The following HOMER1 variants were observed in gnomAD, a reference collection of about 807,000 sequenced individuals.
HOMER1 encodes the protein homer scaffold protein 1.
Under a neutral mutation model 48.9 loss-of-function variants are expected in HOMER1, and 3 were observed. The observed-to-expected ratio is 0.06, with a 90% CI of 0.03 to 0.16. The LOEUF is 0.16. Among genes scored for constraint, HOMER1 ranks in the 10% least tolerant of loss-of-function variants. The pLI, the probability that HOMER1 is intolerant of heterozygous loss-of-function variation, is 1.00. For synonymous variants in HOMER1, 134 were observed against 146.4 expected, an observed-to-expected ratio of 0.92 and a Z score of 0.61; for missense variants, 247 against 411.4, an observed-to-expected ratio of 0.60 and a Z score of 3.46.
intron 1 of HOMER1, among the ~76,000 whole-genome samples, chr5:79,481,791 T>C (rs1751953913): frequency 1.3e-5 from 2 of 152,148 alleles, no homozygotes; most frequent in Non-Finnish European, 2.9e-5. Context: ...ATCTCCTCAG[T>C]AATGAGCTAA....
At chr5:79,420,709 TGGGGACTGTTCTTAGA>T (rs1289847198) in intron 5 of HOMER1, among the ~76,000 whole-genome samples, 3 of 152,138 alleles carry the variant, frequency 2.0e-5, no homozygotes, top group East Asian at 3.8e-4. Flanking sequence ...GGAGAGAGCT[TGGGGACTGTTCTTAGA>T]GTTTCCAGAG....
chr5:79,413,644 C>T (rs925420083), intron 5 of HOMER1, among the ~76,000 whole-genome samples: 3 of 150,894 alleles, frequency 2.0e-5, no homozygotes, highest in South Asian at 4.2e-4. Context: ...TCTTTCAGTG[C>T]CTGGAACACT....
chr5:79,451,556 CTT>C lies in HOMER1; in HGVS notation c.163-437_163-436del, dbSNP rs71615542. 2.3e-3 allele frequency among the ~76,000 whole-genome samples: 149 copies of C among 64,624 alleles called. No homozygotes were observed. The East Asian group carries it at 0.024, about 11-fold the overall frequency. 42.4% of individuals were successfully genotyped at this position (64,624 alleles called of 152,430 possible). A position where few individuals can be genotyped will look rare whatever the true frequency, so the allele number is the denominator to read the frequency against. On this transcript the variant is annotated intron_variant, in intron 2 of 8. Transcript: ENST00000334082. ...GAAAATATGCATAGAAAATATGACACTTTTTTTTTTTTTTTTTTTTTTTTTTT... is the reference window on the plus strand; with the variant it reads ...GAAAATATGCATAGAAAATATGACACTTTTTTTTTTTTTTTTTTTTTTTTT...
Position 79,374,639 on chromosome 5 carries a change from T to A in HOMER1, c.*1370A>T, listed in dbSNP as rs1039886049. ...AGAACCCTCCTCAACATCACAGGCA[T>A]TGTACAGCAAGAATATATGTACTCT... is the stretch of plus-strand genomic sequence containing the variant. On this transcript the variant is annotated 3_prime_UTR_variant, in exon 9 of 9. Coordinates refer to ENST00000334082, the MANE Select transcript of HOMER1 (RefSeq NM_004272.5). 1.3e-5 allele frequency: 2 copies of A among 151,992 alleles called. No homozygotes were observed. The highest frequency in any genetic ancestry group is 1.3e-4 in the Admixed American group (2 of 15,256). 9.4% of individuals were successfully genotyped at this position (151,992 alleles called of 1,614,324 possible). A position where few individuals can be genotyped will look rare whatever the true frequency, so the allele number is the denominator to read the frequency against.
At chr5:79,415,154 A>G (rs1247212632) in intron 5 of HOMER1, among the ~76,000 whole-genome samples, 1 of 152,008 alleles carries the variant, frequency 6.6e-6, no homozygotes, top group Admixed American at 6.6e-5. Context: ...CCTGGGCTCA[A>G]GTGATCCTCC....
intron 5 of HOMER1, among the ~76,000 whole-genome samples, chr5:79,407,409 A>C (rs1749693795): frequency 6.6e-6 from 1 of 152,250 alleles, no homozygotes; most frequent in Admixed American, 6.5e-5. Flanking sequence ...GAATAAATCA[A>C]GGAAGTAAGA....
intron 1 of HOMER1, among the ~76,000 whole-genome samples, chr5:79,464,134 T>C (rs1227578674): frequency 1.3e-5 from 2 of 152,116 alleles, no homozygotes; most frequent in Non-Finnish European, 2.9e-5. Flanking sequence ...CAATTAACGA[T>C]GGAAAATAAT....
Position 79,380,775 on chromosome 5 carries a change from C to G in HOMER1, c.877-4578G>C, listed in dbSNP as rs557828109. 7.2e-5 allele frequency among the ~76,000 whole-genome samples: 11 copies of G among 152,094 alleles called. No homozygotes were observed. In the South Asian group the frequency reaches 1.9e-3, roughly 26 times the overall value. ...CAGTCCACCAATGTTGGCACCTAAA[C>G]ACTCCTCCCAGGGGAATAAGGTTGG... On this transcript the variant is annotated intron_variant, in intron 8 of 8. Coordinates refer to ENST00000334082, the MANE Select transcript of HOMER1 (RefSeq NM_004272.5).
intron 1 of HOMER1, among the ~76,000 whole-genome samples, chr5:79,459,317 T>C (rs928062334): frequency 6.6e-6 from 1 of 152,244 alleles, no homozygotes; most frequent in Non-Finnish European, 1.5e-5. Flanking sequence ...GTAAAGACTT[T>C]CTACATCATA....
chr5:79,511,626 C>A (rs73126222), intron 1 of HOMER1, among the ~76,000 whole-genome samples: 4,017 of 152,244 alleles, frequency 0.026, 167 homozygotes, highest in African/African-American at 0.092. Context: ...ATTCTCATCA[C>A]TTGTCATTCA....
intron 1 of HOMER1, 149 bp downstream of exon 1, chr5:79,512,620 TA>T: frequency 1.4e-6 from 1 of 707,084 alleles, no homozygotes. Flanking sequence ...AAAAATAACC[TA>T]AAAGGTTAGC....
intron 1 of HOMER1, among the ~76,000 whole-genome samples, chr5:79,475,178 T>C (rs540829664): frequency 6.6e-6 from 1 of 151,958 alleles, no homozygotes; most frequent in Non-Finnish European, 1.5e-5. Flanking sequence ...TATGAAATGA[T>C]TACTATCCCA....
chr5:79,384,914 G>GA (rs1749070881), intron 8 of HOMER1, among the ~76,000 whole-genome samples: 1 of 151,996 alleles, frequency 6.6e-6, no homozygotes, highest in Admixed American at 6.6e-5. Context: ...AATAGATGCA[G>GA]AAAAAACATT....
chr5:79,389,513 G>GCT, intron 8 of HOMER1, among the ~76,000 whole-genome samples: 1 of 152,250 alleles, frequency 6.6e-6, no homozygotes, highest in African/African-American at 2.4e-5. Flanking sequence ...GGTCATGAGG[G>GCT]CTCCTCTCCT....
chr5:79,413,942 C>T (rs1749874095), intron 5 of HOMER1, among the ~76,000 whole-genome samples: 1 of 152,080 alleles, frequency 6.6e-6, no homozygotes, highest in Non-Finnish European at 1.5e-5. Flanking sequence ...TCAGGTCCTG[C>T]TAGGCAAATA....
chr5:79,443,935 A>G (rs913114635), intron 4 of HOMER1, among the ~76,000 whole-genome samples: 1 of 152,242 alleles, frequency 6.6e-6, no homozygotes, highest in Non-Finnish European at 1.5e-5. Flanking sequence ...AACCAAGTGT[A>G]TTACATGGCA....
intron 2 of HOMER1, among the ~76,000 whole-genome samples, chr5:79,456,331 A>G (rs1432359520): frequency 6.6e-6 from 1 of 152,152 alleles, no homozygotes; most frequent in Non-Finnish European, 1.5e-5. Flanking sequence ...TAGATGGTGG[A>G]GTTGAGATCT....
chr5:79,493,097 T>A (rs926909266), intron 1 of HOMER1, among the ~76,000 whole-genome samples: 1 of 151,972 alleles, frequency 6.6e-6, no homozygotes, highest in Non-Finnish European at 1.5e-5. Flanking sequence ...TTTTGTATTA[T>A]TAGTAGAGAC....
intron 5 of HOMER1, among the ~76,000 whole-genome samples, chr5:79,438,443 G>A (rs188772998): frequency 0.013 from 1,986 of 152,248 alleles, 15 homozygotes; most frequent in Non-Finnish European, 0.021. Flanking sequence ...AAATTCAAAA[G>A]CAAGTGAAGA....
Sources: gnomAD v4.1 joint callset for allele counts (sites outside exome capture counted in the v4.1 genomes callset) on GRCh38, gnomAD v4.1.1 for gene constraint, MANE v1.5 for transcripts, NCBI Gene and HGNC (gene_info 2026-07-23, HGNC 2026-07-21) for gene names.